The following HIVEP3 variants were observed in gnomAD, a reference collection of about 807,000 sequenced individuals.
HIVEP3 encodes HIVEP zinc finger 3.
In HIVEP3, 49 loss-of-function variants were observed where a neutral mutation model predicts 152.8. That is an observed-to-expected ratio of 0.32 (90% CI 0.26 to 0.41). The LOEUF (loss-of-function observed/expected upper bound fraction) is 0.41, where lower values mean the gene tolerates loss of function less well. Among genes scored for constraint, HIVEP3 ranks in the 10% least tolerant of loss-of-function variants. The probability of loss-of-function intolerance (pLI) is 1.00; values close to 1 mark genes in which losing one functional copy is unlikely to be tolerated. For missense variants in HIVEP3, 2,790 were observed against 3,103.3 expected (o/e 0.90, Z 2.40); for synonymous variants, 1,269 against 1,289.0 (o/e 0.98, Z 0.33).
At position 41,582,003 on chromosome 1, in the gene HIVEP3, G is replaced by A. The variant is rs1358965682; in HGVS notation, c.2795C>T (p.Pro932Leu). ...CAAAGAGACATTGCTTTCCTGGCTCGGGCTGCGAGACAGAGGCACAGAGGA... is the reference window on the plus strand; with the variant it reads ...CAAAGAGACATTGCTTTCCTGGCTCAGGCTGCGAGACAGAGGCACAGAGGA... ...FESSVPLSRSPSQESNVSLSG... is the reference protein window; with the variant it reads ...FESSVPLSRSLSQESNVSLSG... Residue 932 changes from proline to leucine, a missense_variant, in exon 4 of 9, where the codon CCG becomes CTG. This residue lies in a region of HIVEP3 where 1,078 missense variants were observed against 1,165.3 expected (regional missense o/e 0.93). Transcript: ENST00000372583. The surrounding 1 kb of genome is among the most constrained non-coding windows in gnomAD (Gnocchi z 4.7). The A allele has an allele frequency of 1.1e-5, 17 of 1,614,002 alleles. No homozygotes were observed. Among genetic ancestry groups the A allele is most frequent in the African/African-American group, 4.0e-5 (3 of 74,896 alleles).
intron 1 of HIVEP3, among the ~76,000 whole-genome samples, chr1:41,961,035 G>A (rs754674786): frequency 2.0e-5 from 3 of 152,206 alleles, no homozygotes; most frequent in Admixed American, 1.3e-4. Flanking sequence ...TAGAAATGAT[G>A]CCATGTGAAT....
chr1:41,754,153 G>A (rs753004691), intron 1 of HIVEP3, among the ~76,000 whole-genome samples: 13 of 152,222 alleles, frequency 8.5e-5, no homozygotes, highest in Non-Finnish European at 1.3e-4. Flanking sequence ...AGCGGCTGCC[G>A]CAGGGTGACC....
chr1:41,667,270 C>T (rs1044038986), intron 2 of HIVEP3, among the ~76,000 whole-genome samples: 2 of 152,244 alleles, frequency 1.3e-5, no homozygotes, highest in Non-Finnish European at 2.9e-5. Context: ...GACCATCCTG[C>T]CTGGTAACCA....
At chr1:41,706,992 A>G (rs1646443463) in intron 1 of HIVEP3, among the ~76,000 whole-genome samples, 1 of 152,242 alleles carries the variant, frequency 6.6e-6, no homozygotes. Flanking sequence ...GCATCATCAT[A>G]TCTAGCTGAC....
At chr1:41,928,218 T>A (rs1644977804) in intron 1 of HIVEP3, among the ~76,000 whole-genome samples, 1 of 152,148 alleles carries the variant, frequency 6.6e-6, no homozygotes, top group Admixed American at 6.5e-5. Context: ...GTCCAAAGAC[T>A]ACAGTGGGTT....
Position 41,648,036 on chromosome 1 carries a change from G to A in HIVEP3, c.-720-19089C>T, listed in dbSNP as rs191922232. 3.9e-5 allele frequency among the ~76,000 whole-genome samples: 6 copies of A among 152,290 alleles called. No individual in the cohort carries two copies. The East Asian group carries it at 9.6e-4, about 24-fold the overall frequency. ...ACCAGGAGCCCTATCTGGGAAGCTG[G>A]GCTCAAACCCTACCTTCTCCAAAAG... On this transcript the variant is annotated intron_variant, in intron 2 of 8. Coordinates refer to ENST00000372583, the MANE Select transcript of HIVEP3 (RefSeq NM_024503.5).
At chr1:41,661,675 G>C (rs1377702247) in intron 2 of HIVEP3, among the ~76,000 whole-genome samples, 9 of 152,260 alleles carry the variant, frequency 5.9e-5, no homozygotes, top group Non-Finnish European at 1.0e-4. Context: ...TGGCCTTGGG[G>C]GAAGCTAGGG....
At chr1:41,804,301 T>C (rs889959413) in intron 1 of HIVEP3, among the ~76,000 whole-genome samples, 1 of 152,178 alleles carries the variant, frequency 6.6e-6, no homozygotes, top group African/African-American at 2.4e-5. Flanking sequence ...TTTTACTGTT[T>C]TCATGGCTCT....
chr1:41,607,206 A>G (rs1022180275), intron 3 of HIVEP3, among the ~76,000 whole-genome samples: 6 of 152,098 alleles, frequency 3.9e-5, no homozygotes, highest in African/African-American at 1.2e-4. Context: ...TGTGGCTTCT[A>G]GTTCTAGATC....
intron 3 of HIVEP3, among the ~76,000 whole-genome samples, chr1:41,612,834 T>C (rs1387353384): frequency 1.3e-5 from 2 of 152,184 alleles, no homozygotes; most frequent in Non-Finnish European, 1.5e-5. Context: ...CCTCCCTTCA[T>C]CTTTGCATGG....
chr1:41,919,441 G>A (rs1002159328), upstream of HIVEP3, among the ~76,000 whole-genome samples: 1 of 152,086 alleles, frequency 6.6e-6, no homozygotes, highest in African/African-American at 2.4e-5. Context: ...GCAGTCTCAG[G>A]GTCCATGTCC....
intron 2 of HIVEP3, among the ~76,000 whole-genome samples, chr1:41,637,176 A>AC (rs55657561): frequency 0.029 from 4,347 of 152,270 alleles, 84 homozygotes; most frequent in Middle Eastern, 0.058. Flanking sequence ...TCATACACAA[A>AC]CATACACACA....
At chr1:41,902,262 C>A (rs1328022327) in intron 1 of HIVEP3, among the ~76,000 whole-genome samples, 1 of 152,094 alleles carries the variant, frequency 6.6e-6, no homozygotes, top group Non-Finnish European at 1.5e-5. Flanking sequence ...CATGTTCCCC[C>A]AAAGGAAATC....
chr1:41,924,545 C>G (rs572852520), intron 1 of HIVEP3, among the ~76,000 whole-genome samples: 1 of 152,084 alleles, frequency 6.6e-6, no homozygotes, highest in Non-Finnish European at 1.5e-5. Flanking sequence ...GGAGTTGTTA[C>G]GGCCCTACCA....
intron 1 of HIVEP3, among the ~76,000 whole-genome samples, chr1:41,725,443 T>C (rs12042821): frequency 0.17 from 25,362 of 152,180 alleles, 6,078 homozygotes; most frequent in African/African-American, 0.53. Flanking sequence ...TTCAAGGGCA[T>C]GTGCGGACCT....
chr1:41,956,603 T>A (rs537667580), intron 1 of HIVEP3, among the ~76,000 whole-genome samples: 6 of 152,334 alleles, frequency 3.9e-5, no homozygotes, highest in African/African-American at 1.2e-4. Flanking sequence ...CATGCTTGTG[T>A]TGATGCTTGA....
intron 1 of HIVEP3, among the ~76,000 whole-genome samples, chr1:42,025,534 T>C (rs1400227328): frequency 6.6e-6 from 1 of 152,230 alleles, no homozygotes; most frequent in Non-Finnish European, 1.5e-5. Flanking sequence ...ATTGCTTCTG[T>C]TGTTTCTCGC....
chr1:41,899,621 T>C (rs1644588579), intron 1 of HIVEP3, among the ~76,000 whole-genome samples: 1 of 152,186 alleles, frequency 6.6e-6, no homozygotes, highest in African/African-American at 2.4e-5. Flanking sequence ...TTGGCCGGGC[T>C]GGTCTTGAAC....
intron 2 of HIVEP3, among the ~76,000 whole-genome samples, chr1:41,651,937 T>C (rs971142307): frequency 1.7e-4 from 26 of 152,376 alleles, no homozygotes; most frequent in African/African-American, 6.0e-4. Flanking sequence ...AACTTGGCTA[T>C]GTTTTTAGTT....
Sources: gnomAD v4.1 joint callset for allele counts (sites outside exome capture counted in the v4.1 genomes callset) on GRCh38, gnomAD v4.1.1 for gene constraint, gnomAD v4.1.1 regional missense constraint, Gnocchi (gnomAD v3.1) non-coding constraint, MANE v1.5 for transcripts, NCBI Gene and HGNC (gene_info 2026-07-23, HGNC 2026-07-21) for gene names.